Variants in ANO6 observed in about 807,000 individuals in gnomAD.
ANO6 encodes anoctamin 6.
Under a neutral mutation model 117.5 loss-of-function variants are expected in ANO6, and 106 were observed. The ratio of observed to expected loss-of-function variants is 0.90; its 90% confidence interval spans 0.77 to 1.06. ANO6 has a LOEUF of 1.06. ANO6 is among the 50% of genes least tolerant of loss of function. The pLI is 0.00. For missense variants in ANO6, 955 were observed against 1,121.1 expected (o/e 0.85, Z 2.12); for synonymous variants, 367 against 385.1 (o/e 0.95, Z 0.55).
chr12:45,325,131 T>TA (rs1289730654), intron 2 of ANO6, among the ~76,000 whole-genome samples: 4 of 152,202 alleles, frequency 2.6e-5, no homozygotes, highest in Admixed American at 2.6e-4. Flanking sequence ...CTAAGGATCT[T>TA]AAAGTTTGTG....
chr12:45,243,859 T>G (rs1312923725), intron 1 of ANO6, among the ~76,000 whole-genome samples: 1 of 152,156 alleles, frequency 6.6e-6, no homozygotes, highest in Non-Finnish European at 1.5e-5. Context: ...CTGAATAAAT[T>G]TTTAGTGTAG....
At chr12:45,274,896 A>G (rs1285363998) in intron 1 of ANO6, among the ~76,000 whole-genome samples, 2 of 149,446 alleles carry the variant, frequency 1.3e-5, no homozygotes, top group African/African-American at 5.0e-5. Context: ...TCACCTACTC[A>G]GAGCTGTCAC....
intron 15 of ANO6, among the ~76,000 whole-genome samples, 175 bp from the exon 16 acceptor site, chr12:45,409,182 T>A (rs2137656879): frequency 6.6e-6 from 1 of 152,354 alleles, no homozygotes; most frequent in African/African-American, 2.4e-5. Context: ...TGTGTAGTCC[T>A]ATTTTTCAAA....
chr12:45,295,544 T>C (rs1939261144), intron 1 of ANO6, among the ~76,000 whole-genome samples: 1 of 152,066 alleles, frequency 6.6e-6, no homozygotes, highest in Admixed American at 6.6e-5. Context: ...TTACTCTCTT[T>C]TTTATTTGTT....
intron 1 of ANO6, among the ~76,000 whole-genome samples, chr12:45,220,944 C>T (rs778100404): frequency 4.6e-5 from 7 of 152,246 alleles, no homozygotes; most frequent in East Asian, 1.9e-4. Flanking sequence ...AAATTCTGTG[C>T]GCTGCCCTGG....
chr12:45,247,669 C>G (rs1393833954), intron 1 of ANO6, among the ~76,000 whole-genome samples: 3 of 152,152 alleles, frequency 2.0e-5, no homozygotes, highest in African/African-American at 7.2e-5. Flanking sequence ...GGTGAGGGCA[C>G]TCTTCCTGGC....
At chr12:45,300,437 C>T (rs1204824873) in intron 1 of ANO6, among the ~76,000 whole-genome samples, 1 of 152,182 alleles carries the variant, frequency 6.6e-6, no homozygotes, top group African/African-American at 2.4e-5. Flanking sequence ...CCTTGGCCTC[C>T]AAAGTGCTAG....
rs918292083 is a variant in ANO6, at chr12:45,216,501, G to A, written c.70+110G>A. ...CTCCGCGGGGGAGGTTGGCCGAGAC[G>A]CTCGGCCGCTCCGGGCAGGGGAGGA... On this transcript the variant is annotated intron_variant, in intron 1 of 19. Transcript: ENST00000320560. 9 of 1,232,902 alleles carry A rather than the reference G, an allele frequency of 7.3e-6. No homozygotes were observed. The African/African-American group carries it at 1.1e-4, about 14-fold the overall frequency. The allele number at this position is 1,232,902 out of a possible 1,614,324, so 76.4% of individuals were successfully genotyped here. A position where few individuals can be genotyped will look rare whatever the true frequency, so the allele number is the denominator to read the frequency against.
intron 9 of ANO6, among the ~76,000 whole-genome samples, chr12:45,377,329 G>A (rs180771586): frequency 1.3e-5 from 2 of 151,990 alleles, no homozygotes; most frequent in Non-Finnish European, 2.9e-5. Context: ...ACTCATAGAG[G>A]GAGATAGGCT....
At chr12:45,346,794 G>A (rs183610550) in intron 3 of ANO6, among the ~76,000 whole-genome samples, 57 of 152,230 alleles carry the variant, frequency 3.7e-4, no homozygotes, top group Middle Eastern at 3.4e-3. Flanking sequence ...AGGGTGCCAG[G>A]GCATCGAAGT....
chr12:45,303,793 G>T (rs2137311801), intron 2 of ANO6, among the ~76,000 whole-genome samples: 1 of 152,322 alleles, frequency 6.6e-6, no homozygotes, highest in Non-Finnish European at 1.5e-5. Flanking sequence ...CTTATTGAAA[G>T]ACTTGTTTTC....
intron 16 of ANO6, among the ~76,000 whole-genome samples, chr12:45,411,004 G>T (rs1943072792): frequency 6.6e-6 from 1 of 152,074 alleles, no homozygotes; most frequent in African/African-American, 2.4e-5. Flanking sequence ...GCTGTCCTTA[G>T]TTAGTTATTA....
intron 15 of ANO6, among the ~76,000 whole-genome samples, chr12:45,404,330 A>G (rs1223634887): frequency 1.3e-5 from 2 of 152,190 alleles, no homozygotes; most frequent in African/African-American, 2.4e-5. Context: ...CTCCACTATC[A>G]AAGTGTAAAG....
intron 12 of ANO6, among the ~76,000 whole-genome samples, chr12:45,399,402 G>T (rs898214731): frequency 1.1e-4 from 17 of 152,086 alleles, no homozygotes; most frequent in Admixed American, 3.9e-4. Context: ...CACCATGTTG[G>T]CCAGGCTTGT....
At chr12:45,435,135 C>A (rs893805023), downstream of ANO6, among the ~76,000 whole-genome samples, 56 of 152,138 alleles carry the variant, frequency 3.7e-4, 1 homozygote, top group African/African-American at 1.3e-3. Flanking sequence ...ATGAATGGAT[C>A]CCTGGATGTC....
intron 2 of ANO6, among the ~76,000 whole-genome samples, chr12:45,317,276 C>T: frequency 1.1e-5 from 1 of 87,192 alleles, no homozygotes; most frequent in Non-Finnish European, 2.5e-5. Flanking sequence ...CCCCCCTCCC[C>T]CCACCCCACA....
At chr12:45,373,509 A>G (rs1225054357) in intron 9 of ANO6, among the ~76,000 whole-genome samples, 2 of 152,192 alleles carry the variant, frequency 1.3e-5, no homozygotes, top group African/African-American at 4.8e-5. Context: ...ATAACAAACT[A>G]TCTCTCAGAC....
chr12:45,301,247 TTA>T (rs200220689), intron 1 of ANO6, among the ~76,000 whole-genome samples: 637 of 18,060 alleles, frequency 0.035, 7 homozygotes, highest in East Asian at 0.34. Context: ...TTCTTTTTTT[TTA>T]AAAACGTCTC....
intron 1 of ANO6, among the ~76,000 whole-genome samples, chr12:45,231,176 G>A (rs1374663296): frequency 6.6e-6 from 1 of 152,118 alleles, no homozygotes; most frequent in Non-Finnish European, 1.5e-5. Context: ...CTTAAGTATT[G>A]TTAAAGTTTG....
Sources: allele counts gnomAD v4.1 joint callset (sites outside exome capture counted in the v4.1 genomes callset), GRCh38; gene constraint gnomAD v4.1.1; transcripts MANE v1.5; gene names NCBI Gene and HGNC (gene_info 2026-07-23, HGNC 2026-07-21).